The following PAN3 variants were observed in gnomAD, a reference collection of about 807,000 sequenced individuals.
PAN3 encodes the protein poly(A) specific ribonuclease subunit PAN3.
A neutral mutation model predicts 96.2 loss-of-function variants in PAN3; 19 were observed. The observed-to-expected ratio is 0.20, with a 90% CI of 0.14 to 0.29. The LOEUF (loss-of-function observed/expected upper bound fraction) is 0.29, where lower values mean the gene tolerates loss of function less well. PAN3 is among the 10% of genes least tolerant of loss of function. The pLI, the probability that PAN3 is intolerant of heterozygous loss-of-function variation, is 1.00. For synonymous variants in PAN3, 433 were observed against 406.6 expected, an observed-to-expected ratio of 1.06 and a Z score of -0.78; for missense variants, 882 against 1,108.1, an observed-to-expected ratio of 0.80 and a Z score of 2.90.
chr13:28,200,885 C>T (rs1177814165), intron 5 of PAN3, among the ~76,000 whole-genome samples: 3 of 152,198 alleles, frequency 2.0e-5, no homozygotes, highest in African/African-American at 4.8e-5. Flanking sequence ...TCCATTTACT[C>T]CTTAAATGTC....
At chr13:28,257,824 A>T (rs540928914) in intron 7 of PAN3, among the ~76,000 whole-genome samples, 8 of 143,774 alleles carry the variant, frequency 5.6e-5, no homozygotes, top group African/African-American at 2.1e-4. Context: ...AAATATATAT[A>T]TTTTTTGAGA....
chr13:28,291,760 G>A (rs1286560012), intron 18 of PAN3, among the ~76,000 whole-genome samples: 2 of 152,106 alleles, frequency 1.3e-5, no homozygotes, highest in Non-Finnish European at 2.9e-5. Context: ...GAACCCGGGA[G>A]GCAGAGGTTG....
At chr13:28,215,297 T>TAC (rs1357250458) in intron 5 of PAN3, 37 of 720,544 alleles carry the variant, frequency 5.1e-5, no homozygotes, top group Non-Finnish European at 5.9e-5. Flanking sequence ...GTATTGGTAC[T>TAC]GTGTCTGTGG....
chr13:28,234,834 A>G (rs188804551), intron 6 of PAN3, among the ~76,000 whole-genome samples: 251 of 152,118 alleles, frequency 1.7e-3, no homozygotes, highest in African/African-American at 5.7e-3. Flanking sequence ...TTCATTTTCC[A>G]TATCTACTTG....
intron 5 of PAN3, among the ~76,000 whole-genome samples, chr13:28,217,169 C>A (rs1337912094): frequency 6.6e-6 from 1 of 151,462 alleles, no homozygotes; most frequent in African/African-American, 2.4e-5. Flanking sequence ...GGTCAGGATT[C>A]TTGATTTATT....
intron 15 of PAN3, 59 bp from the exon 16 acceptor site, chr13:28,280,353 A>T: frequency 6.5e-7 from 1 of 1,543,020 alleles, no homozygotes; most frequent in Non-Finnish European, 8.8e-7. Flanking sequence ...TGTTTGGGTT[A>T]TCTTGTTTTT....
intron 4 of PAN3, among the ~76,000 whole-genome samples, chr13:28,192,227 A>G (rs1250033669): frequency 7.3e-5 from 11 of 150,682 alleles, no homozygotes; most frequent in Admixed American, 2.0e-4. Flanking sequence ...CTGCCACCAC[A>G]CCCAGCTAAT....
chr13:28,270,590 C>T (rs142797655), intron 12 of PAN3, 111 bp from the exon 13 acceptor site: 1 of 1,068,684 alleles, frequency 9.4e-7, no homozygotes, highest in Non-Finnish European at 1.3e-6. Flanking sequence ...TATAAATTGA[C>T]ATGTTGTGCC....
At chr13:28,239,749 T>A in intron 6 of PAN3, 1 of 1,055,004 alleles carries the variant, frequency 9.5e-7, no homozygotes, top group Non-Finnish European at 1.3e-6. Context: ...TTAATTCCCC[T>A]AATCATAAGG....
chr13:28,283,674 T>G (rs889318416), intron 17 of PAN3, among the ~76,000 whole-genome samples: 1 of 152,240 alleles, frequency 6.6e-6, no homozygotes, highest in African/African-American at 2.4e-5. Context: ...CTATTCAAAA[T>G]AGTTTACAAA....
Position 28,156,279 on chromosome 13 carries a change from C to T in PAN3, c.430+17192C>T, listed in dbSNP as rs193245494. Among the ~76,000 whole-genome samples, 4 of 152,252 alleles carry T rather than the reference C, an allele frequency of 2.6e-5. No individual in the cohort carries two copies. In the East Asian group the frequency reaches 7.7e-4, roughly 29 times the overall value. On this transcript the variant is annotated intron_variant, in intron 1 of 18. Coordinates refer to ENST00000380958, the MANE Select transcript of PAN3 (RefSeq NM_175854.8). ...AAAAACCCTCAGAGACTATTATGAA[C>T]ACCTCTATGCATGTAGGGTAGAAAA...
chr13:28,156,388 T>C (rs1156401168), intron 1 of PAN3, among the ~76,000 whole-genome samples: 2 of 152,106 alleles, frequency 1.3e-5, no homozygotes, highest in African/African-American at 2.4e-5. Flanking sequence ...AGAGCAATAA[T>C]GAATTCTGAA....
At position 28,208,607 on chromosome 13, in the gene PAN3, G is replaced by T. The variant is rs188328514; in HGVS notation, c.852+11261G>T. The stretch of plus-strand genomic sequence containing the variant: ...CTGAGAAGACCTGGCCCGAAATACT[G>T]CATTGAACATTGACTTTGAGCATCA... On this transcript the variant is annotated intron_variant, in intron 5 of 18. Transcript: ENST00000380958. Among the ~76,000 whole-genome samples the T allele has an allele frequency of 3.4e-3, 510 of 152,040 alleles. 1 individual carries two copies. Among genetic ancestry groups the T allele is most frequent in the Non-Finnish European group, 5.6e-3 (384 of 67,976 alleles).
intron 14 of PAN3, among the ~76,000 whole-genome samples, chr13:28,273,716 G>C (rs1158696463): frequency 6.6e-6 from 1 of 150,988 alleles, no homozygotes; most frequent in Non-Finnish European, 1.5e-5. Flanking sequence ...AGGCAGCTAT[G>C]ATTTTAAGAC....
intron 1 of PAN3, among the ~76,000 whole-genome samples, chr13:28,158,163 GGAC>G: frequency 6.6e-6 from 1 of 152,122 alleles, no homozygotes; most frequent in Non-Finnish European, 1.5e-5. Context: ...GATTGAAACT[GGAC>G]ACCTTTGTTA....
intron 1 of PAN3, among the ~76,000 whole-genome samples, chr13:28,152,155 C>T (rs1395421895): frequency 1.3e-5 from 2 of 152,146 alleles, no homozygotes; most frequent in Non-Finnish European, 2.9e-5. Context: ...TATCCCATCA[C>T]ATTTAATAAC....
intron 1 of PAN3, among the ~76,000 whole-genome samples, chr13:28,154,375 T>A (rs994510814): frequency 1.3e-5 from 2 of 152,078 alleles, no homozygotes; most frequent in African/African-American, 4.8e-5. Flanking sequence ...AATTTCTGTT[T>A]CGGGATTTTT....
At chr13:28,220,930 C>CT (rs934769586) in intron 6 of PAN3, among the ~76,000 whole-genome samples, 26 of 152,060 alleles carry the variant, frequency 1.7e-4, no homozygotes, top group Admixed American at 1.3e-4. Flanking sequence ...GAGAAAAACA[C>CT]TTTTTAGTTA....
chr13:28,181,361 T>A (rs1362248668), intron 4 of PAN3, among the ~76,000 whole-genome samples: 1 of 151,718 alleles, frequency 6.6e-6, no homozygotes, highest in Non-Finnish European at 1.5e-5. Flanking sequence ...GCCAAAAACA[T>A]TAGCCAGGAG....
Sources: gnomAD v4.1 joint callset for allele counts (sites outside exome capture counted in the v4.1 genomes callset) on GRCh38, gnomAD v4.1.1 for gene constraint, MANE v1.5 for transcripts, NCBI Gene and HGNC (gene_info 2026-07-23, HGNC 2026-07-21) for gene names.